The following KLHL18 variants were observed in gnomAD, a reference collection of about 807,000 sequenced individuals.
KLHL18 encodes the protein kelch like family member 18.
Under a neutral mutation model 58.5 loss-of-function variants are expected in KLHL18, and 38 were observed. The observed-to-expected ratio is 0.65, with a 90% CI of 0.50 to 0.85. KLHL18 has a LOEUF of 0.85. Among genes scored for constraint, KLHL18 ranks in the 40% least tolerant of loss-of-function variants. The pLI, the probability that KLHL18 is intolerant of heterozygous loss-of-function variation, is 0.00. For synonymous variants in KLHL18, 303 were observed against 301.9 expected, an observed-to-expected ratio of 1.00 and a Z score of -0.04; for missense variants, 624 against 778.4, an observed-to-expected ratio of 0.80 and a Z score of 2.36.
At chr3:47,315,334 C>A (rs567000068) in intron 1 of KLHL18, among the ~76,000 whole-genome samples, 9 of 152,170 alleles carry the variant, frequency 5.9e-5, no homozygotes, top group African/African-American at 1.2e-4. Flanking sequence ...CCCCCTCCCC[C>A]ACTCTCTCAG....
At chr3:47,300,418 TATATTTAA>T (rs993020817) in intron 1 of KLHL18, among the ~76,000 whole-genome samples, 9 of 148,814 alleles carry the variant, frequency 6.0e-5, no homozygotes, top group African/African-American at 2.0e-4. Flanking sequence ...TGTATATATA[TATATTTAA>T]ATTCTCTTTA....
intron 1 of KLHL18, among the ~76,000 whole-genome samples, chr3:47,305,804 A>G (rs946073621): frequency 1.3e-5 from 2 of 152,156 alleles, no homozygotes; most frequent in Non-Finnish European, 2.9e-5. Context: ...AGGCTTTTCA[A>G]TTATTCCCCC....
chr3:47,283,029 A>G lies in KLHL18; in HGVS notation c.64A>G (p.Ser22Gly), dbSNP rs1310736181. Residue 22 changes from serine to glycine, a missense_variant, in exon 1 of 10, where the codon AGT (serine) becomes GGT (glycine). Coordinates refer to ENST00000232766, the MANE Select transcript of KLHL18 (RefSeq NM_025010.5). ...GCACTTCTCCGTGTCTGAGTTGCCT[A>G]GTCGCGGCTACGGCGTCATGGAGGA... Reference protein sequence around the residue: ...LVHFSVSELPSRGYGVMEEIR... With the variant: ...LVHFSVSELPGRGYGVMEEIR... The G allele has an allele frequency of 3.1e-6, 5 of 1,606,248 alleles. No homozygotes were observed. The highest frequency in any genetic ancestry group is 8.5e-7 in the Non-Finnish European group (1 of 1,176,892).
chr3:47,293,379 C>G (rs1702829925), intron 1 of KLHL18, among the ~76,000 whole-genome samples: 1 of 152,172 alleles, frequency 6.6e-6, no homozygotes, highest in Non-Finnish European at 1.5e-5. Flanking sequence ...ACTGTAGACA[C>G]TAAAAACAAT....
intron 7 of KLHL18, among the ~76,000 whole-genome samples, chr3:47,339,490 CAAAAA>C (rs535713738): frequency 1.4e-5 from 1 of 69,224 alleles, no homozygotes. Context: ...GACCTCATCT[CAAAAA>C]AAAAAAAAAA....
chr3:47,322,557 C>T lies in KLHL18; in HGVS notation c.261-11C>T. The T allele has an allele frequency of 6.3e-7, 1 of 1,584,178 alleles. No homozygotes were observed. The highest frequency in any genetic ancestry group is 8.6e-7 in the Non-Finnish European group (1 of 1,166,374). On this transcript the variant is annotated splice_polypyrimidine_tract_variant and intron_variant, in intron 2 of 9. Transcript: ENST00000232766. ...CTGAAAGCACCTCACAGCTTTCCCTCTTTCCTCTAGTGCCCTGGAGGCTCT... is the reference window on the plus strand; with the variant it reads ...CTGAAAGCACCTCACAGCTTTCCCTTTTTCCTCTAGTGCCCTGGAGGCTCT...
chr3:47,317,340 C>G (rs1703479324), intron 1 of KLHL18, among the ~76,000 whole-genome samples: 2 of 152,120 alleles, frequency 1.3e-5, no homozygotes, highest in South Asian at 4.1e-4. Context: ...TCTCGAACCC[C>G]TGACCTCAGG....
intron 3 of KLHL18, among the ~76,000 whole-genome samples, chr3:47,323,886 G>A (rs1045920955): frequency 1.3e-5 from 2 of 152,166 alleles, no homozygotes; most frequent in African/African-American, 4.8e-5. Flanking sequence ...AGTTCAGTTA[G>A]CAGCTTATGG....
intron 3 of KLHL18, among the ~76,000 whole-genome samples, chr3:47,326,407 G>A (rs1213261932): frequency 6.6e-6 from 1 of 152,208 alleles, no homozygotes; most frequent in Non-Finnish European, 1.5e-5. Flanking sequence ...GTCAAGCTGT[G>A]TCAGCAAGGA....
intron 1 of KLHL18, among the ~76,000 whole-genome samples, chr3:47,314,404 C>G (rs1703374599): frequency 2.0e-5 from 3 of 152,146 alleles, no homozygotes. Flanking sequence ...TGGAAGGCCT[C>G]TAAGTAGTCA....
rs992515322 is a variant in KLHL18, at chr3:47,343,611, C to A, written c.1395C>A (p.Asn465Lys). The change falls in exon 10 of 10, where the codon AAC (asparagine) becomes AAA (lysine). Residue 465 changes from asparagine (N) to lysine (K), a missense_variant. By Grantham distance (94) the Asn-to-Lys change is moderately conservative. Transcript: ENST00000232766. The part of the protein sequence containing the change: ...ATWHPAAGML[N>K]KRCRHGAASL... ...GGCACCCTGCAGCTGGCATGCTCAA[C>A]AAGCGCTGCCGGCACGGAGCCGCCT... 11 of 1,614,052 alleles carry A rather than the reference C, an allele frequency of 6.8e-6. No homozygotes were observed. Among genetic ancestry groups the A allele is most frequent in the Non-Finnish European group, 6.8e-6 (8 of 1,180,042 alleles).
intron 1 of KLHL18, among the ~76,000 whole-genome samples, chr3:47,291,135 G>A (rs1475314775): frequency 6.6e-6 from 1 of 152,180 alleles, no homozygotes; most frequent in Non-Finnish European, 1.5e-5. Flanking sequence ...TTATTATTCT[G>A]TACATGAGAC....
chr3:47,336,773 C>T lies in KLHL18; in HGVS notation c.1121+16C>T, dbSNP rs766187497. 5.6e-6 allele frequency: 9 copies of T among 1,597,610 alleles called. No individual in the cohort carries two copies. Among genetic ancestry groups the T allele is most frequent in the African/African-American group, 5.4e-5 (4 of 74,704 alleles). ...GCAAGAGAAGGTATTCTGGAAGCCACGTGCAGCCCGAACATACACACTGAG... is the reference window on the plus strand; with the variant it reads ...GCAAGAGAAGGTATTCTGGAAGCCATGTGCAGCCCGAACATACACACTGAG... On this transcript the variant is annotated intron_variant, in intron 7 of 9. Transcript: ENST00000232766.
chr3:47,301,114 A>C (rs11709708), intron 1 of KLHL18, among the ~76,000 whole-genome samples: 1 of 152,002 alleles, frequency 6.6e-6, no homozygotes, highest in Non-Finnish European at 1.5e-5. Context: ...AGTTCTTTAC[A>C]TATTATAGAT....
At position 47,343,992 on chromosome 3, in the gene KLHL18, TTCC is replaced by T; in HGVS notation, c.*53_*55del. Reference sequence around the variant, plus strand: ...AGGGATCTGGTACAGACATAGGCGCTTCCTTCCAGGAACAGTCCCTCAGGAGAG... The same window carrying T: ...AGGGATCTGGTACAGACATAGGCGCTTTCCAGGAACAGTCCCTCAGGAGAG... On this transcript the variant is annotated 3_prime_UTR_variant, in exon 10 of 10. Transcript: ENST00000232766. The T allele has an allele frequency of 6.3e-7, 1 of 1,587,526 alleles. No homozygotes were observed. The highest frequency in any genetic ancestry group is 1.4e-5 in the African/African-American group (1 of 73,742).
intron 4 of KLHL18, among the ~76,000 whole-genome samples, chr3:47,332,039 T>A (rs1450292395): frequency 6.6e-6 from 1 of 152,008 alleles, no homozygotes; most frequent in African/African-American, 2.4e-5. Flanking sequence ...AGAGTGAGGA[T>A]GAGGGACGAA....
Position 47,322,593 on chromosome 3 carries a change from G to C in KLHL18, c.286G>C (p.Ala96Pro). The change falls in exon 3 of 10, where the codon GCC (alanine) becomes CCC (proline). Residue 96 changes from alanine (A) to proline (P), a missense_variant. By Grantham distance (27) the Ala-to-Pro change is conservative (BLOSUM62 -1). Transcript: ENST00000232766. Reference protein sequence around the residue: ...PSALEALINFAYNGNLAIDQQ... With the variant: ...PSALEALINFPYNGNLAIDQQ... ...TGCCCTGGAGGCTCTGATCAACTTT[G>C]CCTACAACGGCAACCTTGCCATTGA... is the stretch of plus-strand genomic sequence containing the variant. 1 of 1,606,086 alleles carries C rather than the reference G, an allele frequency of 6.2e-7. No homozygotes were observed. The highest frequency in any genetic ancestry group is 8.5e-7 in the Non-Finnish European group (1 of 1,176,800).
intron 1 of KLHL18, chr3:47,287,122 CAT>C (rs1176393913): frequency 2.0e-5 from 3 of 152,364 alleles, no homozygotes; most frequent in South Asian, 4.1e-4. Flanking sequence ...AGTTACTACT[CAT>C]GTGTCTTCTT....
chr3:47,326,562 C>T (rs1170422663), intron 3 of KLHL18, among the ~76,000 whole-genome samples: 1 of 152,110 alleles, frequency 6.6e-6, no homozygotes, highest in Non-Finnish European at 1.5e-5. Context: ...CCACTAATTG[C>T]CTCACAAACA....
Sources: allele counts gnomAD v4.1 joint callset (sites outside exome capture counted in the v4.1 genomes callset), GRCh38; gene constraint gnomAD v4.1.1; transcripts MANE v1.5; gene names NCBI Gene and HGNC (gene_info 2026-07-23, HGNC 2026-07-21).